Variants in EGFR observed in about 807,000 individuals in gnomAD.
EGFR encodes the protein epidermal growth factor receptor.
Under a neutral mutation model 143.0 loss-of-function variants are expected in EGFR, and 58 were observed. That is an observed-to-expected ratio of 0.41 (90% confidence interval 0.33 to 0.50). The LOEUF (loss-of-function observed/expected upper bound fraction) is 0.50. Among genes scored for constraint, EGFR ranks in the 20% least tolerant of loss-of-function variants. EGFR has a pLI of 0.39. For synonymous variants in EGFR, 613 were observed against 594.4 expected (o/e 1.03, Z -0.45); for missense variants, 1,307 against 1,579.0 (o/e 0.83, Z 2.92).
intron 1 of EGFR, among the ~76,000 whole-genome samples, chr7:55,100,529 C>G (rs1001405155): frequency 6.6e-6 from 1 of 152,224 alleles, no homozygotes; most frequent in Non-Finnish European, 1.5e-5. Context: ...GGTCTGTTTT[C>G]TAAGTTATCT....
rs1157436788 is a variant in EGFR, at chr7:55,019,403, G to A, written c.88+38G>A. 9.0e-6 allele frequency: 12 copies of A among 1,336,074 alleles called. No homozygotes were observed. The South Asian group carries it at 1.4e-4, about 16-fold the overall frequency. The allele number at this position is 1,336,074 out of a possible 1,614,324, so 82.8% of individuals were successfully genotyped here. On this transcript the variant is annotated intron_variant, in intron 1 of 27. Transcript: ENST00000275493. ...CTCGCCGGCTCCCGCGCCGCCCCCGGATCGCGCCCCGGACCCCGCAGCCCG... is the reference window on the plus strand; with the variant it reads ...CTCGCCGGCTCCCGCGCCGCCCCCGAATCGCGCCCCGGACCCCGCAGCCCG...
intron 1 of EGFR, among the ~76,000 whole-genome samples, chr7:55,049,074 A>G (rs1219236682): frequency 6.6e-6 from 1 of 152,224 alleles, no homozygotes; most frequent in Non-Finnish European, 1.5e-5. Context: ...GGAAACGCAC[A>G]TTTAGTATGC....
At position 55,127,424 on chromosome 7, in the gene EGFR, A is replaced by G. The variant is rs1483133718; in HGVS notation, c.89-14862A>G. On this transcript the variant is annotated intron_variant, in intron 1 of 27. Coordinates refer to ENST00000275493, the MANE Select transcript of EGFR (RefSeq NM_005228.5). ...CACATTTTCCAAGTGGGAGGCATCT[A>G]TATCCTTACTCCTTCATCCTCTCCT... is the stretch of plus-strand genomic sequence containing the variant. Among the ~76,000 whole-genome samples the G allele has an allele frequency of 2.6e-5, 4 of 152,282 alleles. No homozygotes were observed. In the East Asian group the frequency reaches 7.7e-4, roughly 29 times the overall value.
intron 1 of EGFR, among the ~76,000 whole-genome samples, chr7:55,097,062 G>C (rs1387132551): frequency 1.3e-5 from 2 of 152,178 alleles, no homozygotes; most frequent in African/African-American, 4.8e-5. Flanking sequence ...GCATACCTGT[G>C]CTCTTTCTGA....
intron 1 of EGFR, among the ~76,000 whole-genome samples, chr7:55,130,050 G>C (rs1463990735): frequency 6.6e-6 from 1 of 151,914 alleles, no homozygotes; most frequent in Non-Finnish European, 1.5e-5. Flanking sequence ...ATTGGGACAG[G>C]GACCATATGA....
At chr7:55,204,833 A>G (rs558270881) in intron 27 of EGFR, among the ~76,000 whole-genome samples, 1 of 148,210 alleles carries the variant, frequency 6.7e-6, no homozygotes, top group South Asian at 2.2e-4. Context: ...ACACGTACAC[A>G]CACACCACAC....
At chr7:55,172,376 A>T (rs909239423) in intron 16 of EGFR, among the ~76,000 whole-genome samples, 3 of 152,186 alleles carry the variant, frequency 2.0e-5, no homozygotes, top group African/African-American at 7.2e-5. Context: ...AATGCACCCT[A>T]CAGTCTGAGG....
chr7:55,042,963 G>A (rs1254789070), intron 1 of EGFR, among the ~76,000 whole-genome samples: 1 of 152,022 alleles, frequency 6.6e-6, no homozygotes, highest in African/African-American at 2.4e-5. Flanking sequence ...TGTTAAATTG[G>A]TATGTCTTGA....
chr7:55,106,508 T>C (rs1792142360), intron 1 of EGFR, among the ~76,000 whole-genome samples: 1 of 152,244 alleles, frequency 6.6e-6, no homozygotes, highest in Non-Finnish European at 1.5e-5. Context: ...GGCACCAATA[T>C]GTCCAGGGAT....
At chr7:55,130,326 A>T (rs1441356960) in intron 1 of EGFR, among the ~76,000 whole-genome samples, 1 of 152,206 alleles carries the variant, frequency 6.6e-6, no homozygotes, top group Non-Finnish European at 1.5e-5. Flanking sequence ...TAGAAACAGG[A>T]GTGCGGCCCT....
At chr7:55,115,256 G>A (rs931629954) in intron 1 of EGFR, among the ~76,000 whole-genome samples, 1 of 152,128 alleles carries the variant, frequency 6.6e-6, no homozygotes, top group Non-Finnish European at 1.5e-5. Flanking sequence ...AGAAAAGTGA[G>A]CCAGGCACTC....
chr7:55,133,726 G>A (rs1793981899), intron 1 of EGFR, among the ~76,000 whole-genome samples: 1 of 152,200 alleles, frequency 6.6e-6, no homozygotes, highest in Admixed American at 6.5e-5. Flanking sequence ...CTCTGCTGGG[G>A]CTCCTGCCGC....
chr7:55,068,347 TG>T (rs1562686716), intron 1 of EGFR, among the ~76,000 whole-genome samples: 1 of 152,218 alleles, frequency 6.6e-6, no homozygotes, highest in Non-Finnish European at 1.5e-5. Flanking sequence ...GATTTTAAAA[TG>T]TCAGTGGCAG....
intron 1 of EGFR, among the ~76,000 whole-genome samples, chr7:55,024,850 G>A (rs1050489839): frequency 6.6e-6 from 1 of 152,198 alleles, no homozygotes; most frequent in Non-Finnish European, 1.5e-5. Context: ...CAGAATCAAT[G>A]ACGGAACTCT....
intron 18 of EGFR, 90 bp downstream of exon 18, chr7:55,174,133 C>T (rs2128953959): frequency 1.3e-6 from 2 of 1,551,412 alleles, no homozygotes; most frequent in Non-Finnish European, 1.8e-6. Context: ...CTGTATATTT[C>T]CATCATCTAC....
intron 1 of EGFR, among the ~76,000 whole-genome samples, chr7:55,093,283 A>G (rs1791237876): frequency 6.6e-6 from 1 of 152,070 alleles, no homozygotes; most frequent in African/African-American, 2.4e-5. Context: ...TTTTGTTCTG[A>G]TTTCCGTGTT....
chr7:55,067,914 GTGTA>G (rs1207263860), intron 1 of EGFR, among the ~76,000 whole-genome samples: 1 of 151,132 alleles, frequency 6.6e-6, no homozygotes, highest in East Asian at 1.9e-4. Context: ...GTGTGTTCCT[GTGTA>G]TGTGTGTCTG....
intron 1 of EGFR, among the ~76,000 whole-genome samples, chr7:55,113,260 C>T (rs1462188803): frequency 6.6e-6 from 1 of 152,234 alleles, no homozygotes; most frequent in Admixed American, 6.5e-5. Flanking sequence ...AGCCTGCCAG[C>T]TCTGCCTCAT....
intron 1 of EGFR, among the ~76,000 whole-genome samples, chr7:55,098,354 G>T (rs756378993): frequency 1.3e-5 from 2 of 152,188 alleles, no homozygotes; most frequent in African/African-American, 4.8e-5. Context: ...GGTCTGACCC[G>T]ACAGCACGCA....
Sources: gnomAD v4.1 joint callset for allele counts (sites outside exome capture counted in the v4.1 genomes callset) on GRCh38, gnomAD v4.1.1 for gene constraint, MANE v1.5 for transcripts, NCBI Gene and HGNC (gene_info 2026-07-23, HGNC 2026-07-21) for gene names.